DYM: variants seen among roughly 807,000 people sequenced by gnomAD.
DYM encodes the protein dymeclin.
A neutral mutation model predicts 93.1 loss-of-function variants in DYM; 78 were observed. The ratio of observed to expected loss-of-function variants is 0.84; its 90% confidence interval spans 0.70 to 1.01. DYM has a LOEUF of 1.01. Ranked by LOEUF, DYM falls within the 50% of genes least tolerant of loss-of-function variation. The pLI is 0.00. For missense variants in DYM, 789 were observed against 845.0 expected (o/e 0.93, Z 0.82); for synonymous variants, 321 against 319.7 (o/e 1.00, Z -0.04).
chr18:49,401,601 GAATC>G (rs2070830405), intron 2 of DYM, among the ~76,000 whole-genome samples: 1 of 151,864 alleles, frequency 6.6e-6, no homozygotes, highest in African/African-American at 2.4e-5. Flanking sequence ...CTATGCCCAA[GAATC>G]AATCAATCAA....
chr18:49,232,396 T>C (rs184530898), intron 13 of DYM, among the ~76,000 whole-genome samples: 90 of 151,190 alleles, frequency 6.0e-4, no homozygotes, highest in African/African-American at 2.1e-3. Flanking sequence ...AAGATCCACG[T>C]GGGTTCATGC....
At chr18:49,330,578 G>T (rs2063235427) in intron 8 of DYM, among the ~76,000 whole-genome samples, 1 of 152,012 alleles carries the variant, frequency 6.6e-6, no homozygotes, top group Non-Finnish European at 1.5e-5. Context: ...TTAAAAAACT[G>T]CCAAGTATTG....
chr18:49,098,855 A>G (rs147840902), intron 16 of DYM, among the ~76,000 whole-genome samples: 268 of 152,350 alleles, frequency 1.8e-3, no homozygotes, highest in African/African-American at 5.8e-3. Flanking sequence ...CACAACACAG[A>G]TAGCAAAACA....
At chr18:49,079,208 GA>G (rs1184596375) in intron 17 of DYM, among the ~76,000 whole-genome samples, 1 of 151,736 alleles carries the variant, frequency 6.6e-6, no homozygotes, top group African/African-American at 2.4e-5. Context: ...TTCATGCAAA[GA>G]AAAAAAATGA....
chr18:49,257,405 G>A (rs1362905728), intron 12 of DYM, among the ~76,000 whole-genome samples: 1 of 152,092 alleles, frequency 6.6e-6, no homozygotes, highest in East Asian at 1.9e-4. Context: ...GGCCCTAATG[G>A]TTACACATAG....
chr18:49,106,613 T>A (rs2080841123), intron 16 of DYM, among the ~76,000 whole-genome samples: 1 of 152,160 alleles, frequency 6.6e-6, no homozygotes, highest in Non-Finnish European at 1.5e-5. Flanking sequence ...GGTGAGAAAA[T>A]CTCTCAGCAT....
intron 8 of DYM, among the ~76,000 whole-genome samples, chr18:49,288,388 CT>C (rs1286712183): frequency 6.6e-6 from 1 of 152,140 alleles, no homozygotes; most frequent in Non-Finnish European, 1.5e-5. Flanking sequence ...TAGAGATGAT[CT>C]TTAGGCTGAC....
intron 17 of DYM, among the ~76,000 whole-genome samples, chr18:49,075,540 G>C (rs1394759637): frequency 1.3e-5 from 2 of 152,054 alleles, no homozygotes; most frequent in African/African-American, 2.4e-5. Flanking sequence ...AGGATAAACA[G>C]GGAATCGATG....
chr18:49,160,069 C>T (rs1027145279), intron 15 of DYM, among the ~76,000 whole-genome samples: 2 of 151,972 alleles, frequency 1.3e-5, no homozygotes, highest in African/African-American at 4.8e-5. Context: ...CTCTCCTGTC[C>T]CTGTTAGTCA....
chr18:49,113,764 G>C (rs2081648681), intron 16 of DYM, among the ~76,000 whole-genome samples: 1 of 152,336 alleles, frequency 6.6e-6, no homozygotes, highest in African/African-American at 2.4e-5. Context: ...ACACAGTAGA[G>C]ATGTTATTTA....
chr18:49,145,636 C>T (rs993798206), intron 15 of DYM, among the ~76,000 whole-genome samples: 10 of 152,070 alleles, frequency 6.6e-5, no homozygotes, highest in African/African-American at 1.9e-4. Flanking sequence ...CAACCTGTCC[C>T]GAGGATGCCT....
chr18:49,149,368 T>C (rs1394882579), intron 15 of DYM, among the ~76,000 whole-genome samples: 3 of 152,152 alleles, frequency 2.0e-5, no homozygotes, highest in Non-Finnish European at 4.4e-5. Context: ...TCTCCTGCTT[T>C]AGGTCTTTGC....
intron 14 of DYM, among the ~76,000 whole-genome samples, chr18:49,175,281 C>A (rs1215782753): frequency 6.6e-6 from 1 of 152,138 alleles, no homozygotes; most frequent in Admixed American, 6.5e-5. Flanking sequence ...ATCGTTCTTA[C>A]TCCAATAAAA....
At chr18:49,368,343 T>C (rs937104733) in intron 5 of DYM, among the ~76,000 whole-genome samples, 2 of 152,200 alleles carry the variant, frequency 1.3e-5, no homozygotes, top group African/African-American at 4.8e-5. Flanking sequence ...ACACCTATTA[T>C]ATGACCAAAG....
In DYM at chr18:49,040,961, C is replaced by G. The variant is rs1022801819; in HGVS notation, c.*3094G>C. Among the ~76,000 whole-genome samples, 2 of 152,210 alleles carry G rather than the reference C, an allele frequency of 1.3e-5. No homozygotes were observed. Among genetic ancestry groups the G allele is most frequent in the Non-Finnish European group, 2.9e-5 (2 of 68,038 alleles). ...TAGGAAGTTGCTGAGTGTTCTGATG[C>G]TGGTCCTGTGTCCTTTCCACTTTCT... On this transcript the variant is annotated 3_prime_UTR_variant, in exon 18 of 18. Transcript: ENST00000675505.
At chr18:49,392,340 G>T (rs2069359418) in intron 2 of DYM, among the ~76,000 whole-genome samples, 1 of 152,058 alleles carries the variant, frequency 6.6e-6, no homozygotes, top group African/African-American at 2.4e-5. Flanking sequence ...GAAAAAAACA[G>T]ACATGCTGGA....
chr18:49,198,343 A>G (rs1699878127), intron 14 of DYM, among the ~76,000 whole-genome samples: 1 of 152,110 alleles, frequency 6.6e-6, no homozygotes, highest in Non-Finnish European at 1.5e-5. Flanking sequence ...TGTCTAAAAC[A>G]CCAAAAACAA....
chr18:49,434,921 T>G, intron 1 of DYM, among the ~76,000 whole-genome samples: 1 of 151,850 alleles, frequency 6.6e-6, no homozygotes, highest in East Asian at 1.9e-4. Context: ...AATTAAAAAC[T>G]TTTGGGCCAG....
intron 15 of DYM, among the ~76,000 whole-genome samples, chr18:49,153,807 G>C (rs1042805154): frequency 2.0e-5 from 3 of 152,140 alleles, no homozygotes; most frequent in African/African-American, 7.2e-5. Flanking sequence ...TATGCTGCAG[G>C]CAAGATCCAT....
Sources: gnomAD v4.1 joint callset for allele counts (sites outside exome capture counted in the v4.1 genomes callset) on GRCh38, gnomAD v4.1.1 for gene constraint, MANE v1.5 for transcripts, NCBI Gene and HGNC (gene_info 2026-07-23, HGNC 2026-07-21) for gene names.